The following ATP8A1 variants were observed in gnomAD, a reference collection of about 807,000 sequenced individuals.
The protein encoded by ATP8A1 is phospholipid-transporting ATPase IA.
ATP8A1 carries 90 observed loss-of-function variants against 177.7 expected under a neutral mutation model. That is an observed-to-expected ratio of 0.51 (90% CI 0.43 to 0.60). The LOEUF (loss-of-function observed/expected upper bound fraction) is 0.60. Among genes scored for constraint, ATP8A1 ranks in the 20% least tolerant of loss-of-function variants. ATP8A1 has a pLI of 0.00. For synonymous variants in ATP8A1, 493 were observed against 485.9 expected (o/e 1.01, Z -0.19); for missense variants, 1,072 against 1,392.8 (o/e 0.77, Z 3.67).
intron 4 of ATP8A1, among the ~76,000 whole-genome samples, chr4:42,618,854 T>C (rs1313314730): frequency 6.6e-6 from 1 of 152,116 alleles, no homozygotes; most frequent in Admixed American, 6.6e-5. Flanking sequence ...ATATCTTCAT[T>C]TTTTTTACAC....
intron 4 of ATP8A1, among the ~76,000 whole-genome samples, chr4:42,618,180 T>TCC (rs1367343018): frequency 6.6e-6 from 1 of 152,206 alleles, no homozygotes; most frequent in African/African-American, 2.4e-5. Flanking sequence ...AACTCTTCCC[T>TCC]CCCTAGGTAT....
At chr4:42,486,453 A>C (rs966067809) in intron 24 of ATP8A1, among the ~76,000 whole-genome samples, 1 of 152,172 alleles carries the variant, frequency 6.6e-6, no homozygotes, top group African/African-American at 2.4e-5. Flanking sequence ...TCTTTGAATA[A>C]ATTTTGCTTT....
intron 4 of ATP8A1, 39 bp from the exon 5 acceptor site, chr4:42,616,117 G>C: frequency 1.3e-6 from 2 of 1,569,656 alleles, no homozygotes; most frequent in Non-Finnish European, 1.7e-6. Flanking sequence ...GTGAAAATGT[G>C]AATAAGATTA....
intron 6 of ATP8A1, among the ~76,000 whole-genome samples, chr4:42,591,333 A>T (rs978259747): frequency 3.9e-5 from 6 of 151,968 alleles, no homozygotes; most frequent in Non-Finnish European, 5.9e-5. Context: ...AAAAAAAAGT[A>T]TACTAGTCCC....
At chr4:42,508,455 T>C (rs1217074936) in intron 22 of ATP8A1, among the ~76,000 whole-genome samples, 2 of 152,224 alleles carry the variant, frequency 1.3e-5, no homozygotes, top group South Asian at 2.1e-4. Context: ...TGAGAAAGAA[T>C]GGTTTCTACT....
intron 27 of ATP8A1, among the ~76,000 whole-genome samples, chr4:42,456,289 C>G (rs903080267): frequency 2.6e-5 from 4 of 152,054 alleles, no homozygotes; most frequent in Non-Finnish European, 5.9e-5. Flanking sequence ...TAAACTGAAA[C>G]CATATATCTC....
In ATP8A1 at chr4:42,531,230, C is replaced by T. The variant is rs570350343; in HGVS notation, c.1723-6383G>A. 1.6e-4 allele frequency among the ~76,000 whole-genome samples: 24 copies of T among 152,286 alleles called. No individual in the cohort carries two copies. The South Asian group carries it at 5.0e-3, about 32-fold the overall frequency. ...TAAGGTCAATGGGAAACTACAACAG[C>T]CCAATCCAGGCAGGACTACAAATGG... On this transcript the variant is annotated intron_variant, in intron 20 of 36. Coordinates refer to ENST00000381668, the MANE Select transcript of ATP8A1 (RefSeq NM_006095.2).
intron 20 of ATP8A1, among the ~76,000 whole-genome samples, chr4:42,542,434 T>C (rs1728493049): frequency 6.6e-6 from 1 of 152,072 alleles, no homozygotes; most frequent in African/African-American, 2.4e-5. Flanking sequence ...GCTCTCTTTT[T>C]TAAAAAAAAT....
intron 1 of ATP8A1, among the ~76,000 whole-genome samples, chr4:42,640,448 G>A (rs1461274180): frequency 6.6e-6 from 1 of 152,210 alleles, no homozygotes; most frequent in Non-Finnish European, 1.5e-5. Flanking sequence ...CAAACATTAA[G>A]TGCAGCTGAT....
At chr4:42,526,966 T>C (rs1488223484) in intron 20 of ATP8A1, among the ~76,000 whole-genome samples, 2 of 151,174 alleles carry the variant, frequency 1.3e-5, no homozygotes, top group African/African-American at 4.9e-5. Context: ...TTGACATTCC[T>C]GATTCTTCTT....
chr4:42,584,118 T>A (rs1240728313), intron 9 of ATP8A1, among the ~76,000 whole-genome samples: 1 of 152,204 alleles, frequency 6.6e-6, no homozygotes, highest in African/African-American at 2.4e-5. Context: ...AACACTCTAA[T>A]AATGCAATTA....
Position 42,485,598 on chromosome 4 carries a change from G to T in ATP8A1, c.2222C>A (p.Ala741Asp). 6.2e-7 allele frequency: 1 copy of T among 1,613,662 alleles called. No individual in the cohort carries two copies. Among genetic ancestry groups the T allele is most frequent in the South Asian group, 1.1e-5 (1 of 91,062 alleles). The change falls in exon 25 of 37, where the codon GCT becomes GAT. Residue 741 changes from alanine to aspartate, a missense_variant. Ala to Asp is a moderately radical substitution (Grantham distance 126, BLOSUM62 -2). Coordinates refer to ENST00000381668, the MANE Select transcript of ATP8A1 (RefSeq NM_006095.2). ...GDALRKENDF[A>D]LIIDGKTLKY... Reference sequence around the variant, plus strand: ...GAGGGTTTTCCCATCAATTATAAGAGCAAAATCATTCTCTTTCCGGAGAGC... The same window carrying T: ...GAGGGTTTTCCCATCAATTATAAGATCAAAATCATTCTCTTTCCGGAGAGC...
chr4:42,439,410 C>T (rs1052735573), intron 33 of ATP8A1, among the ~76,000 whole-genome samples: 1 of 152,220 alleles, frequency 6.6e-6, no homozygotes, highest in Non-Finnish European at 1.5e-5. Context: ...GAAAGATGTA[C>T]TTATGTGAGC....
At chr4:42,417,795 T>C (rs1428770707) in intron 35 of ATP8A1, among the ~76,000 whole-genome samples, 2 of 152,240 alleles carry the variant, frequency 1.3e-5, no homozygotes, top group Non-Finnish European at 2.9e-5. Flanking sequence ...ATGTTTAATG[T>C]ATAGCATGCA....
intron 1 of ATP8A1, among the ~76,000 whole-genome samples, chr4:42,650,992 G>C (rs1231424179): frequency 6.6e-6 from 1 of 152,208 alleles, no homozygotes; most frequent in Admixed American, 6.5e-5. Context: ...GAGGAACCCA[G>C]TAGGAGGAAA....
At chr4:42,449,187 G>T (rs1717665585) in intron 30 of ATP8A1, among the ~76,000 whole-genome samples, 1 of 152,188 alleles carries the variant, frequency 6.6e-6, no homozygotes, top group South Asian at 2.1e-4. Flanking sequence ...TGCAGTCTCT[G>T]GTTCAATCCA....
chr4:42,524,736 C>T, intron 21 of ATP8A1, 27 bp downstream of exon 21: 1 of 1,445,228 alleles, frequency 6.9e-7, no homozygotes, highest in Non-Finnish European at 9.6e-7. Context: ...GTATTTTAAT[C>T]ATGCTTTATT....
chr4:42,642,892 C>T (rs181864877), intron 1 of ATP8A1, among the ~76,000 whole-genome samples: 550 of 152,254 alleles, frequency 3.6e-3, no homozygotes, highest in Non-Finnish European at 6.3e-3. Flanking sequence ...ACCACTCCAG[C>T]GTTTTTAAAA....
intron 5 of ATP8A1, among the ~76,000 whole-genome samples, chr4:42,603,857 A>G (rs1036034140): frequency 1.3e-5 from 2 of 152,152 alleles, no homozygotes; most frequent in African/African-American, 4.8e-5. Flanking sequence ...ATCTATGATG[A>G]TTTTACATAA....
Sources: allele counts gnomAD v4.1 joint callset (sites outside exome capture counted in the v4.1 genomes callset), GRCh38; gene constraint gnomAD v4.1.1; transcripts MANE v1.5; gene names NCBI Gene and HGNC (gene_info 2026-07-23, HGNC 2026-07-21).